ARMCX4: variants seen among roughly 807,000 people sequenced by gnomAD.
ARMCX4 encodes the protein armadillo repeat-containing X-linked protein 4.
ARMCX4 carries 3 observed loss-of-function variants against 34.7 expected under a neutral mutation model. That is an observed-to-expected ratio of 0.09 (90% confidence interval 0.04 to 0.22). ARMCX4 has a LOEUF of 0.22. Ranked by LOEUF, ARMCX4 falls within the 10% of genes least tolerant of loss-of-function variation. The pLI, the probability that ARMCX4 is intolerant of heterozygous loss-of-function variation, is 1.00. For synonymous variants in ARMCX4, 513 were observed against 632.8 expected (o/e 0.81, Z 2.84); for missense variants, 1,448 against 1,720.8 (o/e 0.84, Z 2.81).
rs1048975915 is a variant in ARMCX4 at position 101,431,613 on chromosome X, G to C, written n.165-12439G>C. Among the ~76,000 whole-genome samples, 4 of 110,859 alleles carry C rather than the reference G, an allele frequency of 3.6e-5. No homozygotes were observed. The Admixed American group carries it at 3.8e-4, about 11-fold the overall frequency. ...GGCTGGAGTGCAGTGGCACAATCTC[G>C]GCTCCCTGCAAGCTCTGCCTTCCGG... is the stretch of plus-strand genomic sequence containing the variant. On this transcript the variant is annotated intron_variant and non_coding_transcript_variant, in intron 2 of 3. Coordinates refer to the ARMCX4 transcript ENST00000430461.
At chrX:101,436,630 C>A (rs1930795757) in intron 2 of ARMCX4, among the ~76,000 whole-genome samples, 1 of 111,286 alleles carries the variant, frequency 9.0e-6, no homozygotes, top group Admixed American at 9.6e-5. Flanking sequence ...ATTGAATACC[C>A]TTTATTTCCT....
rs1230381113 is a variant in ARMCX4 at position 101,492,374 on chromosome X, T to C, written c.3785T>C (p.Ile1262Thr). The change falls in exon 6 of 6, where the codon ATT becomes ACT. Residue 1262 changes from isoleucine to threonine, a missense_variant. Ile to Thr is a moderately conservative substitution (Grantham distance 89). Around this residue, in one of 2 missense-constraint regions of ARMCX4, gnomAD observed 1,343 missense variants for 1,540.7 expected, o/e 0.87. Coordinates refer to ENST00000423738, the MANE Select transcript of ARMCX4 (RefSeq NM_001256155.3). ...SGVSWVGEEA[I>T]GGSWTGAENQ... ...GTGTCCTGGGTTGGGGAAGAGGCCA[T>C]TGGAGGGTCCTGGACTGGGGCTGAG... The C allele has an allele frequency of 2.6e-6, 3 of 1,142,167 alleles. No homozygotes were observed. The South Asian group carries it at 5.8e-5, about 22-fold the overall frequency. The allele number at this position is 1,142,167 out of a possible 1,213,427, so 94.1% of individuals were successfully genotyped here. A position where few individuals can be genotyped will look rare whatever the true frequency, so the allele number is the denominator to read the frequency against.
In ARMCX4 at chrX:101,494,301, T is replaced by A; in HGVS notation, c.5712T>A (p.Phe1904Leu). ...AGGAGATCAGTTTAAGGTCTTTGTTTTGGGCTGAGAGTGAGAACAGTAATA... is the reference window on the plus strand; with the variant it reads ...AGGAGATCAGTTTAAGGTCTTTGTTATGGGCTGAGAGTGAGAACAGTAATA... ...DIEEISLRSL[F>L]WAESENSNTF... The change falls in exon 6 of 6, where the codon TTT becomes TTA. Residue 1904 changes from phenylalanine (F) to leucine (L), a missense_variant. Phe to Leu is a conservative substitution (Grantham distance 22). This residue lies in a region of ARMCX4 where 1,343 missense variants were observed against 1,540.7 expected (regional missense o/e 0.87). Transcript: ENST00000423738. The A allele has an allele frequency of 8.7e-7, 1 of 1,155,118 alleles. No homozygotes were observed. Among genetic ancestry groups the A allele is most frequent in the African/African-American group, 1.8e-5 (1 of 56,046 alleles).
At chrX:101,477,648 T>G (rs945004211) in intron 4 of ARMCX4, among the ~76,000 whole-genome samples, 3 of 109,077 alleles carry the variant, frequency 2.8e-5, no homozygotes, top group Non-Finnish European at 5.7e-5. Flanking sequence ...AATTATATTA[T>G]GCATTTCATA....
Position 101,513,867 on chromosome X carries a change from G to GGGGTATTAGTACCAGTACTAATACTAGT in ARMCX4, c.*1780+2815_*1780+2842dup, listed in dbSNP as rs1214798766. On this transcript the variant is annotated intron_variant and NMD_transcript_variant, in intron 11 of 12. Coordinates refer to the ARMCX4 transcript ENST00000354842. ...TAATCACAGGGCATGGAAACACTAA[G>GGGGTATTAGTACCAGTACTAATACTAGT]GGGTATTAGTACCAGTACTAATACT... Among the ~76,000 whole-genome samples, 948 of 109,852 alleles carry GGGGTATTAGTACCAGTACTAATACTAGT rather than the reference G, an allele frequency of 8.6e-3. 14 individuals carry two copies. The highest frequency in any genetic ancestry group is 0.03 in the African/African-American group (903 of 30,091).
intron 11 of ARMCX4, among the ~76,000 whole-genome samples, chrX:101,522,425 C>A (rs944675904): frequency 8.9e-6 from 1 of 111,765 alleles, no homozygotes; most frequent in Non-Finnish European, 1.9e-5. Context: ...TTGGATCACA[C>A]GTTTTAAATT....
At chrX:101,421,836 C>T (rs990268176) in intron 2 of ARMCX4, among the ~76,000 whole-genome samples, 9 of 110,266 alleles carry the variant, frequency 8.2e-5, no homozygotes, top group Non-Finnish European at 1.3e-4. Flanking sequence ...TTACTGCAAC[C>T]GCCCAGTGGG....
intron 4 of ARMCX4, among the ~76,000 whole-genome samples, chrX:101,478,971 T>C (rs1037587322): frequency 3.6e-5 from 4 of 110,892 alleles, no homozygotes; most frequent in Non-Finnish European, 7.6e-5. Context: ...TGTATATACA[T>C]ACACACACAC....
intron 2 of ARMCX4, among the ~76,000 whole-genome samples, chrX:101,435,301 TG>T (rs1930640400): frequency 8.9e-6 from 1 of 111,799 alleles, no homozygotes; most frequent in African/African-American, 3.3e-5. Context: ...CAGCACCTGT[TG>T]TTTCCTGACT....
intron 4 of ARMCX4, among the ~76,000 whole-genome samples, chrX:101,457,128 G>C (rs1932328458): frequency 9.0e-6 from 1 of 111,311 alleles, no homozygotes; most frequent in African/African-American, 3.3e-5. Context: ...AATTTAGCCT[G>C]TAAAATTTTC....
downstream of ARMCX4, among the ~76,000 whole-genome samples, chrX:101,496,283 G>A (rs782224984): frequency 1.8e-5 from 2 of 110,505 alleles, no homozygotes; most frequent in East Asian, 5.7e-4. Flanking sequence ...CAAGACGAAA[G>A]GAAAATGATA....
chrX:101,436,120 A>C (rs1161146331), intron 2 of ARMCX4, among the ~76,000 whole-genome samples: 2 of 108,760 alleles, frequency 1.8e-5, no homozygotes, highest in East Asian at 5.7e-4. Context: ...TTGACTTGGC[A>C]ATGCAGGCTC....
At chrX:101,435,403 T>G (rs1196262455) in intron 2 of ARMCX4, among the ~76,000 whole-genome samples, 1 of 111,789 alleles carries the variant, frequency 8.9e-6, no homozygotes, top group Non-Finnish European at 1.9e-5. Context: ...GATGAGCATT[T>G]TTTCATGTGT....
At chrX:101,528,881 T>C (rs1187049066) in intron 11 of ARMCX4, among the ~76,000 whole-genome samples, 1 of 111,126 alleles carries the variant, frequency 9.0e-6, no homozygotes, top group African/African-American at 3.3e-5. Context: ...ATGGGAAGAA[T>C]CAATATCTTC....
At chrX:101,515,739 G>T (rs1934730570) in intron 11 of ARMCX4, among the ~76,000 whole-genome samples, 2 of 107,145 alleles carry the variant, frequency 1.9e-5, no homozygotes, top group African/African-American at 3.4e-5. Context: ...ATGGGGTTTT[G>T]CTATGTTGGT....
intron 2 of ARMCX4, among the ~76,000 whole-genome samples, chrX:101,426,038 G>C (rs1385173957): frequency 5.5e-5 from 6 of 110,046 alleles, no homozygotes; most frequent in Non-Finnish European, 1.1e-4. Context: ...ACCCAGTCTG[G>C]TCTCGAATTC....
At chrX:101,533,080 T>A (rs1935161918) in intron 12 of ARMCX4, 1 of 109,494 alleles carries the variant, frequency 9.1e-6, no homozygotes, top group African/African-American at 3.3e-5. Context: ...CGGCTGATCC[T>A]TAGGGACTGC....
At chrX:101,511,064 A>T (rs920796096) in intron 11 of ARMCX4, 1 of 111,331 alleles carries the variant, frequency 9.0e-6, no homozygotes. Flanking sequence ...AAGTAAGTCT[A>T]TTTTTATTCA....
chrX:101,492,330 T>C lies in ARMCX4; in HGVS notation c.3741T>C (p.Pro1247=). Residue 1247 remains proline, a synonymous_variant, in exon 6 of 6, where the codon CCT becomes CCC. Transcript: ENST00000423738. ...GTCAGGCCAGTGATGGGTCCTGGCCTGGGGGACAGGCCAGTGGGGTGTCCT... is the reference window on the plus strand; with the variant it reads ...GTCAGGCCAGTGATGGGTCCTGGCCCGGGGGACAGGCCAGTGGGGTGTCCT... ...AAGQASDGSW[P]GGQASGVSWV... 8.7e-7 allele frequency: 1 copy of C among 1,149,993 alleles called. No individual in the cohort carries two copies. The allele number at this position is 1,149,993 out of a possible 1,213,427, so 94.8% of individuals were successfully genotyped here.
Sources: allele counts gnomAD v4.1 joint callset (sites outside exome capture counted in the v4.1 genomes callset), GRCh38; gene constraint gnomAD v4.1.1; regional missense constraint gnomAD v4.1.1; transcripts MANE v1.5; gene names NCBI Gene and HGNC (gene_info 2026-07-23, HGNC 2026-07-21).